NTM: variants seen among roughly 807,000 people sequenced by gnomAD.
NTM encodes the protein IgLON family member 2.
In NTM, 13 loss-of-function variants were observed where a neutral mutation model predicts 42.1. The ratio of observed to expected loss-of-function variants is 0.31; its 90% confidence interval spans 0.20 to 0.49. NTM has a LOEUF of 0.49. NTM is among the 20% of genes least tolerant of loss of function. The pLI, the probability that NTM is intolerant of heterozygous loss-of-function variation, is 0.99. For synonymous variants in NTM, 187 were observed against 179.2 expected (o/e 1.04, Z -0.35); for missense variants, 373 against 452.8 (o/e 0.82, Z 1.60).
intron 1 of NTM, among the ~76,000 whole-genome samples, chr11:131,441,500 A>G (rs971820493): frequency 2.0e-5 from 3 of 152,198 alleles, no homozygotes; most frequent in Admixed American, 6.5e-5. Context: ...TCACAACACT[A>G]TGGAATATGT....
At chr11:131,894,503 C>T (rs910038174) in intron 1 of NTM, among the ~76,000 whole-genome samples, 2 of 152,178 alleles carry the variant, frequency 1.3e-5, no homozygotes, top group Non-Finnish European at 1.5e-5. Context: ...GCCTGACAGA[C>T]ATGGAGGCAG....
At chr11:131,537,719 C>T (rs2052500873) in intron 1 of NTM, 1 of 152,436 alleles carries the variant, frequency 6.6e-6, no homozygotes, top group Non-Finnish European at 1.5e-5. Context: ...TCTACCTTGC[C>T]TTTGTTTTTC....
rs76041483 is a variant in NTM, at chr11:132,231,383, A to T, written c.526+19236A>T. 5.3e-3 allele frequency among the ~76,000 whole-genome samples: 808 copies of T among 152,320 alleles called. 12 individuals carry two copies. The highest frequency in any genetic ancestry group is 0.018 in the African/African-American group (756 of 41,572). On this transcript the variant is annotated intron_variant, in intron 4 of 8. Transcript: ENST00000683400. ...AGTTTCCAGTGGATTTCAAAGCCTC[A>T]TAATTAACGTCCATTTAATAGCGAT...
chr11:131,838,008 T>G (rs1345857034), intron 1 of NTM, among the ~76,000 whole-genome samples: 1 of 152,144 alleles, frequency 6.6e-6, no homozygotes, highest in Non-Finnish European at 1.5e-5. Flanking sequence ...AATTTCACGG[T>G]GAAATGAGTT....
intron 1 of NTM, among the ~76,000 whole-genome samples, chr11:131,686,714 C>CT (rs1280546814): frequency 6.6e-6 from 1 of 152,224 alleles, no homozygotes; most frequent in East Asian, 1.9e-4. Flanking sequence ...CTATGTGCCC[C>CT]TCATGGCTCA....
chr11:131,649,554 A>T (rs548598771), intron 1 of NTM, among the ~76,000 whole-genome samples: 1 of 152,336 alleles, frequency 6.6e-6, no homozygotes, highest in South Asian at 2.1e-4. Context: ...ATTACAAGAT[A>T]ACAAGATTCT....
At chr11:132,129,648 A>G (rs926292419) in intron 2 of NTM, among the ~76,000 whole-genome samples, 1 of 152,326 alleles carries the variant, frequency 6.6e-6, no homozygotes, top group East Asian at 1.9e-4. Flanking sequence ...GGAAGGGAAG[A>G]CTTCTTAGGA....
intron 1 of NTM, among the ~76,000 whole-genome samples, chr11:131,571,627 G>C (rs918543601): frequency 6.6e-6 from 1 of 152,192 alleles, no homozygotes; most frequent in Non-Finnish European, 1.5e-5. Context: ...GAAGAATGCT[G>C]AGCTGGAAAA....
At chr11:132,270,489 A>G (rs1303663429) in intron 4 of NTM, among the ~76,000 whole-genome samples, 1 of 152,172 alleles carries the variant, frequency 6.6e-6, no homozygotes, top group Admixed American at 6.6e-5. Flanking sequence ...TTGGCCTCCC[A>G]AATTGCTAAG....
intron 1 of NTM, among the ~76,000 whole-genome samples, chr11:131,447,182 G>A (rs143492434): frequency 1.3e-5 from 2 of 152,278 alleles, no homozygotes; most frequent in African/African-American, 4.8e-5. Flanking sequence ...AATTGTATAC[G>A]GGGATAGAAC....
chr11:131,424,851 G>A (rs889169844), intron 1 of NTM, among the ~76,000 whole-genome samples: 22 of 139,864 alleles, frequency 1.6e-4, no homozygotes, highest in African/African-American at 5.9e-4. Flanking sequence ...TTATAGGCGT[G>A]AGCCACCACG....
chr11:131,735,992 C>T (rs1478280749), intron 1 of NTM, among the ~76,000 whole-genome samples: 1 of 152,020 alleles, frequency 6.6e-6, no homozygotes, highest in Non-Finnish European at 1.5e-5. Context: ...ACCAACACAC[C>T]TGGCTACTTT....
chr11:131,698,060 C>G (rs1470132219), intron 1 of NTM, among the ~76,000 whole-genome samples: 1 of 152,214 alleles, frequency 6.6e-6, no homozygotes, highest in Admixed American at 6.5e-5. Flanking sequence ...TGCAGAGACA[C>G]AGCTGCTTCA....
At chr11:131,402,441 C>T (rs533010875) in intron 1 of NTM, among the ~76,000 whole-genome samples, 4 of 149,580 alleles carry the variant, frequency 2.7e-5, no homozygotes, top group Admixed American at 2.0e-4. Flanking sequence ...TGCCCAGTGG[C>T]CAAATAGGGG....
rs148807106 is a variant in NTM at position 131,626,354 on chromosome 11, G to A, written c.82+255466G>A. Among the ~76,000 whole-genome samples, 526 of 152,184 alleles carry A rather than the reference G, an allele frequency of 3.5e-3. 2 individuals are homozygous for A. The Middle Eastern group carries it at 0.037, about 11-fold the overall frequency. ...TATACGTAATTACTAATATACAAAC[G>A]TATATTCATTATTATAAATGCTAAT... is the stretch of plus-strand genomic sequence containing the variant. On this transcript the variant is annotated intron_variant, in intron 1 of 8. Transcript: ENST00000683400.
chr11:131,877,410 C>A (rs192529985), intron 1 of NTM, among the ~76,000 whole-genome samples: 1 of 152,288 alleles, frequency 6.6e-6, no homozygotes, highest in East Asian at 1.9e-4. Context: ...GGAACCTGGC[C>A]AGAATTCCTG....
intron 1 of NTM, among the ~76,000 whole-genome samples, chr11:131,774,521 A>G (rs888655952): frequency 3.3e-5 from 5 of 152,164 alleles, no homozygotes; most frequent in African/African-American, 1.2e-4. Flanking sequence ...ACCTAGGTCA[A>G]TTGAGCATCT....
At chr11:131,781,368 T>C (rs575708986) in intron 1 of NTM, among the ~76,000 whole-genome samples, 1 of 152,046 alleles carries the variant, frequency 6.6e-6, no homozygotes, top group Non-Finnish European at 1.5e-5. Context: ...GGAGTAATAT[T>C]CAAATAATAA....
intron 1 of NTM, among the ~76,000 whole-genome samples, chr11:131,582,593 C>A: frequency 3.6e-5 from 3 of 84,224 alleles, no homozygotes; most frequent in Non-Finnish European, 7.3e-5. Context: ...CATGTTCTTG[C>A]TTAAAAAAAA....
Sources: allele counts gnomAD v4.1 joint callset (sites outside exome capture counted in the v4.1 genomes callset), GRCh38; gene constraint gnomAD v4.1.1; transcripts MANE v1.5; gene names NCBI Gene and HGNC (gene_info 2026-07-23, HGNC 2026-07-21).